Variants in RBPJ observed in about 807,000 individuals in gnomAD.
RBPJ encodes recombination signal binding protein for immunoglobulin kappa J region.
A neutral mutation model predicts 67.8 loss-of-function variants in RBPJ; 9 were observed. That is an observed-to-expected ratio of 0.13 (90% CI 0.08 to 0.23). The LOEUF (loss-of-function observed/expected upper bound fraction) is 0.23. Ranked by LOEUF, RBPJ falls within the 10% of genes least tolerant of loss-of-function variation. The probability of loss-of-function intolerance (pLI) is 1.00; values close to 1 mark genes in which losing one functional copy is unlikely to be tolerated. For missense variants in RBPJ, 305 were observed against 595.6 expected (o/e 0.51, Z 5.08); for synonymous variants, 198 against 203.3 (o/e 0.97, Z 0.22).
At chr4:26,215,496 C>A (rs1718693606) in intron 1 of RBPJ, among the ~76,000 whole-genome samples, 1 of 151,946 alleles carries the variant, frequency 6.6e-6, no homozygotes, top group East Asian at 1.9e-4. Flanking sequence ...GGGAGAAAAT[C>A]AACTCATATA....
At chr4:26,351,567 G>A (rs1430844901) in intron 1 of RBPJ, among the ~76,000 whole-genome samples, 1 of 152,134 alleles carries the variant, frequency 6.6e-6, no homozygotes, top group African/African-American at 2.4e-5. Context: ...TTTTTGTAGA[G>A]AGAGGGTCTC....
intron 1 of RBPJ, among the ~76,000 whole-genome samples, chr4:26,296,832 G>A (rs1374792251): frequency 6.6e-6 from 1 of 152,106 alleles, no homozygotes; most frequent in African/African-American, 2.4e-5. Context: ...CAAGGTCCTG[G>A]TATTATTCAG....
Position 26,430,770 on chromosome 4 carries a change from C to T in RBPJ, c.1227C>T (p.Val409=), listed in dbSNP as rs1058610. 1 of 1,614,064 alleles carries T rather than the reference C, an allele frequency of 6.2e-7. No homozygotes were observed. Among genetic ancestry groups the T allele is most frequent in the Non-Finnish European group, 8.5e-7 (1 of 1,180,000 alleles). The change falls in exon 11 of 11, where the codon GTC becomes GTT. Residue 409 remains valine (V), a synonymous_variant. Transcript: ENST00000355476. The surrounding 1 kb of genome is among the most constrained non-coding windows in gnomAD (Gnocchi z 4.1). The stretch of plus-strand genomic sequence containing the variant: ...GTTGGAGATGGGTCCGGCAACCAGT[C>T]CAGGTTCCAGTAACTTTGGTCCGAA... ...REGWRWVRQP[V]QVPVTLVRND...
chr4:26,312,430 C>T lies in RBPJ; in HGVS notation c.-166-50016C>T, dbSNP rs114678621. Among the ~76,000 whole-genome samples, 572 of 152,168 alleles carry T rather than the reference C, an allele frequency of 3.8e-3. 5 individuals are homozygous for T. Among genetic ancestry groups the T allele is most frequent in the African/African-American group, 0.013 (553 of 41,514 alleles). Reference sequence around the variant, plus strand: ...ACAGGTGTGAGCCACCATGCCCGGCCACCAGGGCCTTCTTATGACCCTGCT... The same window carrying T: ...ACAGGTGTGAGCCACCATGCCCGGCTACCAGGGCCTTCTTATGACCCTGCT... On this transcript the variant is annotated intron_variant, in intron 1 of 4. Transcript: ENST00000512351.
At chr4:26,148,222 G>T in the RBPJ span, among the ~76,000 whole-genome samples, 1 of 151,670 alleles carries the variant, frequency 6.6e-6, no homozygotes, top group Non-Finnish European at 1.5e-5. Flanking sequence ...TTTACCAAGA[G>T]GGAGAGACTG....
the RBPJ span, among the ~76,000 whole-genome samples, chr4:26,118,474 T>C: frequency 6.6e-6 from 1 of 152,152 alleles, no homozygotes; most frequent in African/African-American, 2.4e-5. Context: ...CTACCTCCTC[T>C]CCAGGACTGT....
At chr4:26,324,625 G>C (rs1577438547) in intron 1 of RBPJ, among the ~76,000 whole-genome samples, 2 of 152,252 alleles carry the variant, frequency 1.3e-5, no homozygotes, top group Non-Finnish European at 2.9e-5. Context: ...CACCTCCTGG[G>C]TTCAAGCGAT....
chr4:26,157,099 A>AAC, the RBPJ span, among the ~76,000 whole-genome samples: 1 of 32,988 alleles, frequency 3.0e-5, no homozygotes, highest in African/African-American at 1.1e-4. Flanking sequence ...ACAAACAAAC[A>AAC]AAAACAAACA....
At chr4:26,342,484 G>C (rs534026404) in intron 1 of RBPJ, among the ~76,000 whole-genome samples, 1 of 152,174 alleles carries the variant, frequency 6.6e-6, no homozygotes, top group Non-Finnish European at 1.5e-5. Context: ...GCTAGCGATA[G>C]TGTAATTTAG....
intron 1 of RBPJ, among the ~76,000 whole-genome samples, chr4:26,228,806 A>T (rs1181628041): frequency 2.0e-5 from 3 of 152,226 alleles, no homozygotes; most frequent in African/African-American, 7.2e-5. Context: ...TGGATGGAGA[A>T]CCATTCCCTT....
At chr4:26,426,550 G>A (rs1735689413) in intron 7 of RBPJ, among the ~76,000 whole-genome samples, 1 of 152,166 alleles carries the variant, frequency 6.6e-6, no homozygotes, top group African/African-American at 2.4e-5. Context: ...AAAGTCGAGT[G>A]CCTCTCGTCA....
chr4:26,362,247 T>C (rs1188051375), intron 1 of RBPJ, among the ~76,000 whole-genome samples: 1 of 152,114 alleles, frequency 6.6e-6, no homozygotes, highest in Non-Finnish European at 1.5e-5. Flanking sequence ...ATTTGTGGGG[T>C]TTTACTAGAA....
intron 3 of RBPJ, among the ~76,000 whole-genome samples, chr4:26,408,620 C>A (rs3113016): frequency 6.6e-6 from 1 of 151,846 alleles, no homozygotes; most frequent in Non-Finnish European, 1.5e-5. Flanking sequence ...ACATGATTCC[C>A]AAAGTGCTTT....
At chr4:26,136,164 C>T in the RBPJ span, among the ~76,000 whole-genome samples, 1 of 152,206 alleles carries the variant, frequency 6.6e-6, no homozygotes. Flanking sequence ...TTGTCTCCAC[C>T]TGGCCCACCC....
At chr4:26,316,639 TA>T (rs1404878923), upstream of RBPJ, among the ~76,000 whole-genome samples, 1 of 142,994 alleles carries the variant, frequency 7.0e-6, no homozygotes, top group East Asian at 2.0e-4. Context: ...CATATTGATA[TA>T]TATATACACA....
At chr4:26,283,374 G>T (rs1315331678) in intron 1 of RBPJ, among the ~76,000 whole-genome samples, 1 of 151,644 alleles carries the variant, frequency 6.6e-6, no homozygotes, top group African/African-American at 2.4e-5. Context: ...GCCAAACCCC[G>T]TCTCTACTAA....
At chr4:26,162,021 T>C (rs1716093479), upstream of RBPJ, among the ~76,000 whole-genome samples, 1 of 152,214 alleles carries the variant, frequency 6.6e-6, no homozygotes, top group African/African-American at 2.4e-5. Context: ...TCTGGGCATA[T>C]GGCTGTTCAG....
At position 26,184,313 on chromosome 4, in the gene RBPJ, A is replaced by G. The variant is rs1717143929; in HGVS notation, c.-167+20699A>G. ...GGGATCACTGCAATGGGTTCTTGCTACTGGGGAGAGAGACTGGACTCAGCT... is the reference window on the plus strand; with the variant it reads ...GGGATCACTGCAATGGGTTCTTGCTGCTGGGGAGAGAGACTGGACTCAGCT... On this transcript the variant is annotated intron_variant, in intron 1 of 4. Coordinates refer to the RBPJ transcript ENST00000512351. Among the ~76,000 whole-genome samples, 3 of 152,080 alleles carry G rather than the reference A, an allele frequency of 2.0e-5. No homozygotes were observed. The South Asian group carries it at 6.2e-4, about 32-fold the overall frequency.
In RBPJ at chr4:26,390,127, GT is replaced by G. The variant is rs574590980; in HGVS notation, c.59+3738del. On this transcript the variant is annotated intron_variant, in intron 2 of 10. Coordinates refer to ENST00000355476, the MANE Select transcript of RBPJ (RefSeq NM_015874.6). ...AGCTTTATCTCAGGAATGGAAAACAGTTCATGTAATTCAGTATATTAATAGA... is the reference window on the plus strand; with the variant it reads ...AGCTTTATCTCAGGAATGGAAAACAGTCATGTAATTCAGTATATTAATAGA... 6.6e-5 allele frequency among the ~76,000 whole-genome samples: 10 copies of G among 152,296 alleles called. No homozygotes were observed. In the South Asian group the frequency reaches 2.1e-3, roughly 32 times the overall value.
Sources: gnomAD v4.1 joint callset for allele counts (sites outside exome capture counted in the v4.1 genomes callset) on GRCh38, gnomAD v4.1.1 for gene constraint, Gnocchi (gnomAD v3.1) non-coding constraint, MANE v1.5 for transcripts, NCBI Gene and HGNC (gene_info 2026-07-23, HGNC 2026-07-21) for gene names.